Variants in TTBK2 observed in about 807,000 individuals in gnomAD.
TTBK2 encodes tau-tubulin kinase 2.
Under a neutral mutation model 110.8 loss-of-function variants are expected in TTBK2, and 28 were observed. The observed-to-expected ratio is 0.25, with a 90% CI of 0.19 to 0.35. The LOEUF (loss-of-function observed/expected upper bound fraction) is 0.35, where lower values mean the gene tolerates loss of function less well. Ranked by LOEUF, TTBK2 falls within the 10% of genes least tolerant of loss-of-function variation. The pLI, the probability that TTBK2 is intolerant of heterozygous loss-of-function variation, is 1.00. For synonymous variants in TTBK2, 532 were observed against 527.3 expected (o/e 1.01, Z -0.12); for missense variants, 1,369 against 1,500.3 (o/e 0.91, Z 1.45).
At chr15:42,838,170 T>C (rs989501013) in intron 4 of TTBK2, among the ~76,000 whole-genome samples, 1 of 152,022 alleles carries the variant, frequency 6.6e-6, no homozygotes, top group Non-Finnish European at 1.5e-5. Flanking sequence ...ATCGCGCCAT[T>C]GCACTCAGCC....
chr15:42,835,809 C>A (rs149944228), intron 4 of TTBK2, among the ~76,000 whole-genome samples: 1 of 151,908 alleles, frequency 6.6e-6, no homozygotes, highest in Admixed American at 6.6e-5. Flanking sequence ...CTATTAATTT[C>A]GGGAGGGACA....
Position 42,783,375 on chromosome 15 carries a change from G to T in TTBK2, c.1197+44C>A, listed in dbSNP as rs1372360898. 2.5e-6 allele frequency: 4 copies of T among 1,589,586 alleles called. No individual in the cohort carries two copies. The South Asian group carries it at 3.3e-5, about 13-fold the overall frequency. Reference sequence around the variant, plus strand: ...TCCTTCTTGGACTTCCCAGCCTTCTGAACTGTAAGAAATAAATTTCTGTTG... The same window carrying T: ...TCCTTCTTGGACTTCCCAGCCTTCTTAACTGTAAGAAATAAATTTCTGTTG... On this transcript the variant is annotated intron_variant, in intron 11 of 14. Coordinates refer to ENST00000267890, the MANE Select transcript of TTBK2 (RefSeq NM_173500.4).
chr15:42,886,632 C>G (rs1258755631), intron 1 of TTBK2, among the ~76,000 whole-genome samples: 1 of 152,150 alleles, frequency 6.6e-6, no homozygotes, highest in African/African-American at 2.4e-5. Flanking sequence ...ACAACAGGAC[C>G]TAATTAACCT....
intron 3 of TTBK2, among the ~76,000 whole-genome samples, chr15:42,871,213 CT>C (rs1894602280): frequency 6.6e-6 from 1 of 151,994 alleles, no homozygotes; most frequent in African/African-American, 2.4e-5. Flanking sequence ...ATGAAGGGTT[CT>C]TAAGAATGGG....
At chr15:42,783,728 A>C in intron 10 of TTBK2, 93 bp from the exon 11 acceptor site, 11 of 1,010,740 alleles carry the variant, frequency 1.1e-5, no homozygotes, top group Non-Finnish European at 1.5e-5. Flanking sequence ...TGAACTCCAC[A>C]CATAATTAAG....
chr15:42,870,631 G>A (rs1045688922), intron 3 of TTBK2, among the ~76,000 whole-genome samples: 8 of 151,902 alleles, frequency 5.3e-5, no homozygotes, highest in African/African-American at 1.9e-4. Flanking sequence ...GGGAGACCGA[G>A]GTGGGAAGAT....
chr15:42,903,947 C>G (rs563668526), intron 1 of TTBK2, among the ~76,000 whole-genome samples: 1 of 152,310 alleles, frequency 6.6e-6, no homozygotes, highest in South Asian at 2.1e-4. Flanking sequence ...GCAGCTTCTG[C>G]TAGAATATTA....
At chr15:42,833,085 T>C (rs936725564) in intron 4 of TTBK2, among the ~76,000 whole-genome samples, 2 of 151,712 alleles carry the variant, frequency 1.3e-5, no homozygotes, top group Non-Finnish European at 1.5e-5. Flanking sequence ...GCAGAAAAGA[T>C]AACTAGTGGG....
intron 10 of TTBK2, among the ~76,000 whole-genome samples, chr15:42,792,768 T>C (rs917436394): frequency 2.0e-5 from 3 of 152,176 alleles, no homozygotes; most frequent in African/African-American, 7.2e-5. Flanking sequence ...TTTTTTTCTC[T>C]CTTTTTATTT....
chr15:42,794,904 AT>A (rs1343860171), intron 9 of TTBK2, 103 bp from the exon 10 acceptor site: 2 of 1,497,658 alleles, frequency 1.3e-6, no homozygotes, highest in Non-Finnish European at 1.8e-6. Flanking sequence ...TTGTAATGTG[AT>A]TTTCTTTAAA....
chr15:42,762,440 G>A (rs535364410), intron 13 of TTBK2, among the ~76,000 whole-genome samples: 10 of 152,166 alleles, frequency 6.6e-5, no homozygotes, highest in East Asian at 3.9e-4. Flanking sequence ...TATAGCGGCC[G>A]GGCACGGTGG....
At chr15:42,919,737 T>C in intron 1 of TTBK2, 1 of 959,866 alleles carries the variant, frequency 1.0e-6, no homozygotes, top group African/African-American at 1.8e-5. Flanking sequence ...CAAAGCAAAG[T>C]ACAACTCAAT....
chr15:42,761,006 T>A (rs1427563971), intron 13 of TTBK2, among the ~76,000 whole-genome samples: 1 of 152,008 alleles, frequency 6.6e-6, no homozygotes, highest in Non-Finnish European at 1.5e-5. Context: ...ACAGAACAGA[T>A]CAGAGAATCC....
At chr15:42,786,908 ATGAG>A (rs900044469) in intron 10 of TTBK2, among the ~76,000 whole-genome samples, 52 of 152,354 alleles carry the variant, frequency 3.4e-4, no homozygotes, top group Admixed American at 1.8e-3. Context: ...AGGAATATGA[ATGAG>A]TGAGAAAGTA....
In TTBK2 at chr15:42,775,381, T is replaced by C. The variant is rs1187703930; in HGVS notation, c.1752A>G (p.Glu584=). 2 of 1,614,248 alleles carry C rather than the reference T, an allele frequency of 1.2e-6. No individual in the cohort carries two copies. Among genetic ancestry groups the C allele is most frequent in the South Asian group, 1.1e-5 (1 of 91,084 alleles). Residue 584 remains glutamate (E), a synonymous_variant, in exon 13 of 15, where the codon GAA becomes GAG. Transcript: ENST00000267890. ...GTGATGCCTCCAGGACTTGAAGTAC[T>C]TCAGGCTCCTCATCAGAAGGACTTC... ...TTGSPSDEEP[E]VLQVLEASPQ...
intron 11 of TTBK2, among the ~76,000 whole-genome samples, chr15:42,779,109 A>G (rs1377503628): frequency 1.3e-5 from 2 of 152,240 alleles, no homozygotes; most frequent in Non-Finnish European, 2.9e-5. Flanking sequence ...ATAACTATCA[A>G]TAACTTTATA....
At chr15:42,877,040 T>C (rs1894843983) in intron 2 of TTBK2, among the ~76,000 whole-genome samples, 1 of 152,100 alleles carries the variant, frequency 6.6e-6, no homozygotes, top group Admixed American at 6.6e-5. Flanking sequence ...AACTGGTAAA[T>C]TAAAAAAGAG....
intron 1 of TTBK2, among the ~76,000 whole-genome samples, chr15:42,890,125 T>C (rs1291335883): frequency 6.6e-6 from 1 of 152,196 alleles, no homozygotes; most frequent in African/African-American, 2.4e-5. Flanking sequence ...AAGAAGGTTC[T>C]TTGTAATTCT....
intron 3 of TTBK2, among the ~76,000 whole-genome samples, chr15:42,844,532 T>C (rs1893367261): frequency 6.6e-6 from 1 of 152,228 alleles, no homozygotes; most frequent in East Asian, 1.9e-4. Context: ...GACTCCAGCC[T>C]GGGTGACAGA....
Sources: gnomAD v4.1 joint callset for allele counts (sites outside exome capture counted in the v4.1 genomes callset) on GRCh38, gnomAD v4.1.1 for gene constraint, MANE v1.5 for transcripts, NCBI Gene and HGNC (gene_info 2026-07-23, HGNC 2026-07-21) for gene names.